The following RNF216 variants were observed in gnomAD, a reference collection of about 807,000 sequenced individuals.
RNF216 encodes E3 ubiquitin-protein ligase RNF216.
In RNF216, 72 loss-of-function variants were observed where a neutral mutation model predicts 110.8. That is an observed-to-expected ratio of 0.65 (90% CI 0.54 to 0.79). The LOEUF (loss-of-function observed/expected upper bound fraction) is 0.79. RNF216 is among the 30% of genes least tolerant of loss of function. The pLI is 0.00. For synonymous variants in RNF216, 495 were observed against 407.5 expected (o/e 1.21, Z -2.59); for missense variants, 1,342 against 1,141.2 (o/e 1.18, Z -2.54).
intron 13 of RNF216, among the ~76,000 whole-genome samples, chr7:5,668,915 G>T (rs1164095551): frequency 6.6e-6 from 1 of 152,182 alleles, no homozygotes; most frequent in East Asian, 1.9e-4. Context: ...GATGCCTCTA[G>T]ATGTGACTAC....
chr7:5,772,774 CCT>C (rs1491111950), intron 1 of RNF216, among the ~76,000 whole-genome samples: 1 of 147,018 alleles, frequency 6.8e-6, no homozygotes, highest in Non-Finnish European at 1.5e-5. Context: ...AAAAGATATT[CCT>C]TTTTTTTTTT....
At position 5,770,070 on chromosome 7, in the gene RNF216, G is replaced by C. The variant is rs1362067407; in HGVS notation, c.-69-8932C>G. 8.1e-5 allele frequency among the ~76,000 whole-genome samples: 12 copies of C among 148,714 alleles called. No individual in the cohort carries two copies. In the East Asian group the frequency reaches 2.3e-3, roughly 29 times the overall value. On this transcript the variant is annotated intron_variant, in intron 1 of 16. Coordinates refer to ENST00000389902, the MANE Select transcript of RNF216 (RefSeq NM_207111.4). Reference sequence around the variant, plus strand: ...AAAAAAAAAGACTGAAAATCGGCTGGGCGTGGTGGCTCACGCCTGTAGTCC... The same window carrying C: ...AAAAAAAAAGACTGAAAATCGGCTGCGCGTGGTGGCTCACGCCTGTAGTCC...
At chr7:5,724,513 G>C (rs1793632784) in intron 8 of RNF216, among the ~76,000 whole-genome samples, 1 of 152,180 alleles carries the variant, frequency 6.6e-6, no homozygotes, top group South Asian at 2.1e-4. Context: ...ACTGTCCCTA[G>C]TTCTACATTC....
At chr7:5,704,949 C>G (rs1475236572) in intron 13 of RNF216, among the ~76,000 whole-genome samples, 1 of 148,002 alleles carries the variant, frequency 6.8e-6, no homozygotes, top group Non-Finnish European at 1.5e-5. Flanking sequence ...GTAATCATAA[C>G]ACACATTCTC....
intron 15 of RNF216, among the ~76,000 whole-genome samples, chr7:5,630,918 C>G (rs1787029477): frequency 6.6e-6 from 1 of 152,154 alleles, no homozygotes; most frequent in Non-Finnish European, 1.5e-5. Flanking sequence ...GAGCTGTTAA[C>G]CACATAACCC....
chr7:5,699,012 G>A (rs887868199), intron 13 of RNF216, among the ~76,000 whole-genome samples: 1 of 152,140 alleles, frequency 6.6e-6, no homozygotes, highest in Non-Finnish European at 1.5e-5. Context: ...AGCTAACACT[G>A]AAGACAGCTA....
intron 9 of RNF216, among the ~76,000 whole-genome samples, chr7:5,717,781 G>A (rs1224535530): frequency 1.3e-5 from 2 of 152,124 alleles, no homozygotes; most frequent in Admixed American, 6.5e-5. Flanking sequence ...CAACATTTGG[G>A]ATTACATTAA....
At chr7:5,733,374 A>G (rs1324875267) in intron 5 of RNF216, among the ~76,000 whole-genome samples, 3 of 152,236 alleles carry the variant, frequency 2.0e-5, no homozygotes, top group African/African-American at 7.2e-5. Flanking sequence ...AGACTCAGGA[A>G]GTAGGAGAAC....
chr7:5,772,235 A>G (rs1052175583), intron 1 of RNF216, among the ~76,000 whole-genome samples: 10 of 152,224 alleles, frequency 6.6e-5, no homozygotes, highest in African/African-American at 2.2e-4. Context: ...CTCCGTCCCA[A>G]TAAAATAAAG....
At chr7:5,693,050 T>C (rs1171777950) in intron 13 of RNF216, among the ~76,000 whole-genome samples, 1 of 152,262 alleles carries the variant, frequency 6.6e-6, no homozygotes, top group African/African-American at 2.4e-5. Context: ...ACTTAATATC[T>C]TGGAGACAGC....
At chr7:5,646,603 G>C (rs1011266378) in intron 14 of RNF216, among the ~76,000 whole-genome samples, 1 of 151,476 alleles carries the variant, frequency 6.6e-6, no homozygotes, top group Non-Finnish European at 1.5e-5. Context: ...TGAGGCAGGA[G>C]AATCGCTTGA....
chr7:5,653,030 C>T (rs896706987), intron 13 of RNF216, among the ~76,000 whole-genome samples: 3 of 152,096 alleles, frequency 2.0e-5, no homozygotes, highest in Non-Finnish European at 2.9e-5. Flanking sequence ...GTTTGGATCT[C>T]GTTAATCTCT....
At chr7:5,661,231 C>T (rs1789116930) in intron 13 of RNF216, among the ~76,000 whole-genome samples, 2 of 152,166 alleles carry the variant, frequency 1.3e-5, no homozygotes, top group Non-Finnish European at 1.5e-5. Context: ...TGAGCCACTG[C>T]GCCCAGCCCC....
At chr7:5,745,267 T>C (rs566518150) in intron 3 of RNF216, among the ~76,000 whole-genome samples, 1 of 152,328 alleles carries the variant, frequency 6.6e-6, no homozygotes, top group Non-Finnish European at 1.5e-5. Flanking sequence ...TGAAATTGAA[T>C]GTAACAGAAT....
In RNF216 at chr7:5,741,814, G is replaced by T; in HGVS notation, c.203C>A (p.Thr68Lys). 6.3e-7 allele frequency: 1 copy of T among 1,585,236 alleles called. No individual in the cohort carries two copies. Among genetic ancestry groups the T allele is most frequent in the Non-Finnish European group, 8.5e-7 (1 of 1,170,254 alleles). ...DLDDDVILTETNKPQRSRPNL... is the reference protein window; with the variant it reads ...DLDDDVILTEKNKPQRSRPNL... The stretch of plus-strand genomic sequence containing the variant: ...GGGTCGTGATCTCTGAGGTTTATTT[G>T]TCTAAGAAAAAATGAAATTTTAATA... The change falls in exon 4 of 17, where the codon ACA becomes AAA. Residue 68 changes from threonine to lysine, a missense_variant and splice_region_variant. By Grantham distance (78) the Thr-to-Lys change is moderately conservative. Transcript: ENST00000389902.
intron 14 of RNF216, among the ~76,000 whole-genome samples, chr7:5,646,679 G>A (rs1274904795): frequency 4.7e-5 from 7 of 149,918 alleles, no homozygotes; most frequent in Admixed American, 3.3e-4. Context: ...GCGACAGAGC[G>A]AGACTCCATC....
At chr7:5,668,157 T>C (rs935522662) in intron 13 of RNF216, among the ~76,000 whole-genome samples, 4 of 152,096 alleles carry the variant, frequency 2.6e-5, no homozygotes, top group Non-Finnish European at 4.4e-5. Context: ...GAAAAGCGGC[T>C]GCCCCTGGTA....
chr7:5,641,958 G>A (rs907775820), intron 14 of RNF216, among the ~76,000 whole-genome samples: 9 of 150,292 alleles, frequency 6.0e-5, no homozygotes, highest in African/African-American at 1.2e-4. Flanking sequence ...GCTTAAACCC[G>A]GGAGGTGAAG....
At chr7:5,728,519 A>G (rs1386714102) in intron 7 of RNF216, among the ~76,000 whole-genome samples, 1 of 151,868 alleles carries the variant, frequency 6.6e-6, no homozygotes, top group Non-Finnish European at 1.5e-5. Context: ...GGCTGCAGTG[A>G]GCCGAGATTA....
Sources: allele counts gnomAD v4.1 joint callset (sites outside exome capture counted in the v4.1 genomes callset), GRCh38; gene constraint gnomAD v4.1.1; transcripts MANE v1.5; gene names NCBI Gene and HGNC (gene_info 2026-07-23, HGNC 2026-07-21).